GPC5: variants seen among roughly 807,000 people sequenced by gnomAD.
GPC5 encodes the protein glypican 5.
Under a neutral mutation model 53.9 loss-of-function variants are expected in GPC5, and 47 were observed. The observed-to-expected ratio is 0.87, with a 90% confidence interval of 0.69 to 1.11. The LOEUF is 1.11. GPC5 is among the 50% of genes most tolerant of loss of function. The pLI, the probability that GPC5 is intolerant of heterozygous loss-of-function variation, is 0.00. For synonymous variants in GPC5, 286 were observed against 263.3 expected (o/e 1.09, Z -0.84); for missense variants, 748 against 713.1 (o/e 1.05, Z -0.56).
At chr13:91,625,146 G>A (rs1172061207) in intron 2 of GPC5, among the ~76,000 whole-genome samples, 1 of 151,494 alleles carries the variant, frequency 6.6e-6, no homozygotes, top group Admixed American at 6.6e-5. Context: ...CACATGCTAA[G>A]GAATGAGAAA....
chr13:92,524,563 A>T (rs1245342213), intron 7 of GPC5, among the ~76,000 whole-genome samples: 1 of 152,094 alleles, frequency 6.6e-6, no homozygotes, highest in Non-Finnish European at 1.5e-5. Flanking sequence ...TAATCAAAAG[A>T]ACAGGAAGTT....
chr13:92,381,909 G>GATATATATC (rs1566565343), intron 7 of GPC5, among the ~76,000 whole-genome samples: 8 of 122,126 alleles, frequency 6.6e-5, no homozygotes, highest in African/African-American at 2.3e-4. Flanking sequence ...TCATATATAT[G>GATATATATC]ATATATATAA....
chr13:91,704,612 T>C (rs553726500), intron 3 of GPC5, among the ~76,000 whole-genome samples: 1 of 152,340 alleles, frequency 6.6e-6, no homozygotes, highest in African/African-American at 2.4e-5. Flanking sequence ...GTGAGCCTCC[T>C]GCCTAAAACT....
At chr13:91,556,397 G>C (rs898530244) in intron 2 of GPC5, among the ~76,000 whole-genome samples, 1 of 151,838 alleles carries the variant, frequency 6.6e-6, no homozygotes, top group Non-Finnish European at 1.5e-5. Flanking sequence ...CAGAGGAAAA[G>C]AAGTCATTAT....
intron 2 of GPC5, among the ~76,000 whole-genome samples, chr13:91,492,032 C>T (rs1207751567): frequency 6.6e-6 from 1 of 152,078 alleles, no homozygotes; most frequent in Non-Finnish European, 1.5e-5. Flanking sequence ...TCTATTATTA[C>T]ATGGTGTTCA....
intron 4 of GPC5, among the ~76,000 whole-genome samples, chr13:91,742,191 G>T (rs2036948956): frequency 6.6e-6 from 1 of 152,120 alleles, no homozygotes; most frequent in Non-Finnish European, 1.5e-5. Flanking sequence ...CCTGCAGGGG[G>T]TCAAACTACA....
At chr13:92,494,210 C>T (rs1879881520) in intron 7 of GPC5, among the ~76,000 whole-genome samples, 1 of 151,964 alleles carries the variant, frequency 6.6e-6, no homozygotes, top group African/African-American at 2.4e-5. Flanking sequence ...CTGCCTCAGC[C>T]TCCCGAGTAG....
At chr13:91,969,908 C>T (rs1053328609) in intron 6 of GPC5, among the ~76,000 whole-genome samples, 4 of 152,076 alleles carry the variant, frequency 2.6e-5, no homozygotes, top group Admixed American at 6.6e-5. Flanking sequence ...ACCTCTTATA[C>T]GCACTGTTCA....
At chr13:91,911,521 T>A (rs995614214) in intron 6 of GPC5, among the ~76,000 whole-genome samples, 3 of 152,094 alleles carry the variant, frequency 2.0e-5, no homozygotes, top group Admixed American at 6.6e-5. Context: ...CCTGCCTGGG[T>A]GACAGAGCTT....
At chr13:91,631,593 C>T (rs942429144) in intron 2 of GPC5, among the ~76,000 whole-genome samples, 3 of 152,020 alleles carry the variant, frequency 2.0e-5, no homozygotes, top group African/African-American at 7.2e-5. Flanking sequence ...CCACTGTGAG[C>T]TGCAACTCTT....
intron 7 of GPC5, among the ~76,000 whole-genome samples, chr13:92,145,608 C>T (rs2041861469): frequency 6.6e-6 from 1 of 152,074 alleles, no homozygotes; most frequent in Non-Finnish European, 1.5e-5. Flanking sequence ...GATTTCCCTT[C>T]CTGATTATCA....
chr13:91,450,749 A>G (rs9589239), intron 2 of GPC5, among the ~76,000 whole-genome samples: 18,459 of 152,074 alleles, frequency 0.12, 2,000 homozygotes, highest in African/African-American at 0.3. Context: ...ATTATAAAAA[A>G]TATAGAGACA....
At chr13:92,457,149 GC>G (rs1326597240) in intron 7 of GPC5, among the ~76,000 whole-genome samples, 1 of 152,042 alleles carries the variant, frequency 6.6e-6, no homozygotes, top group Non-Finnish European at 1.5e-5. Flanking sequence ...GCCTCCAGCT[GC>G]ATCCATGTTC....
chr13:92,185,935 G>A (rs1471658547), intron 7 of GPC5, among the ~76,000 whole-genome samples: 1 of 152,090 alleles, frequency 6.6e-6, no homozygotes, highest in Non-Finnish European at 1.5e-5. Context: ...TACAGATACT[G>A]AATGCTAAGA....
intron 7 of GPC5, among the ~76,000 whole-genome samples, chr13:92,543,755 T>G (rs1371034132): frequency 1.3e-5 from 2 of 152,094 alleles, no homozygotes; most frequent in African/African-American, 4.8e-5. Flanking sequence ...AAGACTAAAA[T>G]TTTTTATCTA....
intron 7 of GPC5, among the ~76,000 whole-genome samples, chr13:92,384,037 G>A (rs2043771567): frequency 6.6e-6 from 1 of 151,990 alleles, no homozygotes; most frequent in African/African-American, 2.4e-5. Flanking sequence ...AAAAAATACA[G>A]GATTTAGTGC....
intron 6 of GPC5, among the ~76,000 whole-genome samples, chr13:92,109,806 T>C (rs1462844209): frequency 1.3e-5 from 2 of 152,208 alleles, no homozygotes; most frequent in Non-Finnish European, 2.9e-5. Flanking sequence ...AGATATCTTC[T>C]ATGGTACTCT....
chr13:91,940,786 A>T (rs887693838), intron 6 of GPC5, among the ~76,000 whole-genome samples: 5 of 151,934 alleles, frequency 3.3e-5, no homozygotes, highest in Non-Finnish European at 7.4e-5. Context: ...GGCCTTTTGT[A>T]TGTTTTCATT....
intron 7 of GPC5, among the ~76,000 whole-genome samples, chr13:92,752,484 A>G (rs943445710): frequency 4.6e-5 from 7 of 152,110 alleles, no homozygotes; most frequent in Admixed American, 4.6e-4. Context: ...TGGGGGGAGG[A>G]GCCAAGATGG....
Sources: allele counts gnomAD v4.1 joint callset (sites outside exome capture counted in the v4.1 genomes callset), GRCh38; gene constraint gnomAD v4.1.1; transcripts MANE v1.5; gene names NCBI Gene and HGNC (gene_info 2026-07-23, HGNC 2026-07-21).